ATP2B2: variants seen among roughly 807,000 people sequenced by gnomAD.
ATP2B2 encodes the protein ATPase plasma membrane Ca2+ transporting 2, also known as plasma membrane calcium-transporting ATPase 2.
ATP2B2 carries 15 observed loss-of-function variants against 120.0 expected under a neutral mutation model. The ratio of observed to expected loss-of-function variants is 0.12; its 90% CI spans 0.08 to 0.19. The LOEUF is 0.19. Ranked by LOEUF, ATP2B2 falls within the 10% of genes least tolerant of loss-of-function variation. The probability of loss-of-function intolerance (pLI) is 1.00; values close to 1 mark genes in which losing one functional copy is unlikely to be tolerated. For synonymous variants in ATP2B2, 694 were observed against 700.3 expected (o/e 0.99, Z 0.14); for missense variants, 1,045 against 1,719.8 (o/e 0.61, Z 6.94).
chr3:10,350,612 C>T (rs898720387), intron 14 of ATP2B2, 35 bp from the exon 15 acceptor site: 1 of 1,600,012 alleles, frequency 6.2e-7, no homozygotes, highest in Non-Finnish European at 8.5e-7. Context: ...GGGGAGGGCA[C>T]CACCTCAGGC....
chr3:10,449,651 T>C lies in ATP2B2; in HGVS notation c.-108A>G. 7.0e-7 allele frequency: 1 copy of C among 1,435,084 alleles called. No homozygotes were observed. Among genetic ancestry groups the C allele is most frequent in the Non-Finnish European group, 9.7e-7 (1 of 1,025,810 alleles). 88.9% of individuals were successfully genotyped at this position (1,435,084 alleles called of 1,614,324 possible). On this transcript the variant is annotated 5_prime_UTR_variant, in exon 2 of 23. Transcript: ENST00000360273. Reference sequence around the variant, plus strand: ...CCTCAGCACACCCTCACTGGTCAGCTGTGGCACCAGGCGGCCGACTCCGGG... The same window carrying C: ...CCTCAGCACACCCTCACTGGTCAGCCGTGGCACCAGGCGGCCGACTCCGGG...
At chr3:10,348,702 A>G (rs1163536479) in intron 16 of ATP2B2, among the ~76,000 whole-genome samples, 1 of 152,202 alleles carries the variant, frequency 6.6e-6, no homozygotes, top group Non-Finnish European at 1.5e-5. Flanking sequence ...CCCTAGTCCA[A>G]GTTAGAGGCA....
chr3:10,568,971 C>T (rs11922709), intron 2 of ATP2B2, among the ~76,000 whole-genome samples: 14,178 of 152,266 alleles, frequency 0.093, 733 homozygotes, highest in African/African-American at 0.12. Context: ...CAACAACTTG[C>T]CGAATATAAC....
intron 1 of ATP2B2, among the ~76,000 whole-genome samples, chr3:10,630,209 T>A (rs1228224756): frequency 6.6e-6 from 1 of 152,230 alleles, no homozygotes; most frequent in African/African-American, 2.4e-5. Context: ...GCATGTTTGT[T>A]ACATAGGTAG....
intron 14 of ATP2B2, among the ~76,000 whole-genome samples, chr3:10,355,734 G>T (rs1054279461): frequency 6.6e-6 from 1 of 152,220 alleles, no homozygotes; most frequent in Non-Finnish European, 1.5e-5. Context: ...GGCATGGGGA[G>T]CTCTCATCCT....
intron 1 of ATP2B2, among the ~76,000 whole-genome samples, chr3:10,670,820 G>A (rs899537366): frequency 3.3e-5 from 5 of 152,148 alleles, no homozygotes; most frequent in African/African-American, 1.2e-4. Context: ...GTACATAGGA[G>A]GTGCAGCCAG....
intron 19 of ATP2B2, among the ~76,000 whole-genome samples, chr3:10,341,853 A>C (rs1041170818): frequency 6.6e-6 from 1 of 152,170 alleles, no homozygotes; most frequent in Non-Finnish European, 1.5e-5. Flanking sequence ...CAACAGTAAA[A>C]TGTGTCCTGA....
chr3:10,674,986 G>T (rs892852924), intron 1 of ATP2B2, among the ~76,000 whole-genome samples: 1 of 152,122 alleles, frequency 6.6e-6, no homozygotes, highest in Admixed American at 6.6e-5. Flanking sequence ...AATTTAGAAC[G>T]GTCCAGGCTT....
chr3:10,633,415 T>C (rs766192551), intron 1 of ATP2B2, among the ~76,000 whole-genome samples: 2 of 152,206 alleles, frequency 1.3e-5, no homozygotes, highest in Non-Finnish European at 2.9e-5. Flanking sequence ...CTTAGAAGTC[T>C]CACCCCACTG....
In ATP2B2 at chr3:10,328,545, C is replaced by CGTATAATGA; in HGVS notation, c.*268_*269insTCATTATAC. ...GGCTGGTCCATGTCTGGGTGGGAGCCAGGAAGGGCTTGTTTTGGGAAAACC... is the reference window on the plus strand; with the variant it reads ...GGCTGGTCCATGTCTGGGTGGGAGCCGTATAATGAAGGAAGGGCTTGTTTTGGGAAAACC... On this transcript the variant is annotated 3_prime_UTR_variant, in exon 23 of 23. Transcript: ENST00000360273. 1 of 472,644 alleles carries CGTATAATGA rather than the reference C, an allele frequency of 2.1e-6. No individual in the cohort carries two copies. The highest frequency in any genetic ancestry group is 3.8e-6 in the Non-Finnish European group (1 of 264,952). 29.3% of individuals were successfully genotyped at this position (472,644 alleles called of 1,614,324 possible).
chr3:10,332,287 G>T (rs2060001820), intron 22 of ATP2B2: 1 of 495,064 alleles, frequency 2.0e-6, no homozygotes, highest in African/African-American at 1.9e-5. Context: ...TATCTGTCTA[G>T]CAAGGTACGG....
Position 10,327,530 on chromosome 3 carries a change from G to A in ATP2B2, c.*1284C>T, listed in dbSNP as rs1430638017. On this transcript the variant is annotated 3_prime_UTR_variant, in exon 23 of 23. Coordinates refer to ENST00000360273, the MANE Select transcript of ATP2B2 (RefSeq NM_001001331.4). ...CATTAATAAGGAAACAAACCTGTAA[G>A]TTACTAAATAAAAAAAAAAATCAAC... is the stretch of plus-strand genomic sequence containing the variant. 6.6e-6 allele frequency: 1 copy of A among 152,278 alleles called. No homozygotes were observed. Among genetic ancestry groups the A allele is most frequent in the Non-Finnish European group, 1.5e-5 (1 of 68,004 alleles). The allele number at this position is 152,278 out of a possible 1,614,324, so 9.4% of individuals were successfully genotyped here.
At chr3:10,404,449 G>T (rs1341684556) in intron 3 of ATP2B2, among the ~76,000 whole-genome samples, 1 of 152,214 alleles carries the variant, frequency 6.6e-6, no homozygotes, top group Non-Finnish European at 1.5e-5. Context: ...CCTTGTTTTG[G>T]TTTTTCTCAT....
At chr3:10,450,771 G>T (rs533103248) in intron 1 of ATP2B2, among the ~76,000 whole-genome samples, 2 of 152,158 alleles carry the variant, frequency 1.3e-5, no homozygotes, top group Non-Finnish European at 2.9e-5. Context: ...CTCCCTGCCC[G>T]CCCGGCCACC....
At chr3:10,481,138 T>C (rs1305980353) in intron 1 of ATP2B2, among the ~76,000 whole-genome samples, 1 of 152,246 alleles carries the variant, frequency 6.6e-6, no homozygotes, top group African/African-American at 2.4e-5. Context: ...TGGAAAGACT[T>C]CATTTGAGCA....
chr3:10,437,549 G>C (rs572641243), intron 2 of ATP2B2, among the ~76,000 whole-genome samples: 1 of 152,172 alleles, frequency 6.6e-6, no homozygotes, highest in Non-Finnish European at 1.5e-5. Flanking sequence ...ACTGAGCATC[G>C]GGCTTGGGGG....
chr3:10,381,404 C>CAAA (rs1303278362), intron 8 of ATP2B2, among the ~76,000 whole-genome samples: 13 of 152,316 alleles, frequency 8.5e-5, no homozygotes, highest in Non-Finnish European at 1.5e-4. Flanking sequence ...TTAGAAGGCT[C>CAAA]AAAGGGGCCT....
At chr3:10,396,284 G>A (rs1208008745) in intron 5 of ATP2B2, among the ~76,000 whole-genome samples, 1 of 152,242 alleles carries the variant, frequency 6.6e-6, no homozygotes, top group African/African-American at 2.4e-5. Context: ...AGCCCTGTGG[G>A]GCAGGCAGTG....
Position 10,606,406 on chromosome 3 carries a change from T to C in ATP2B2, c.-415+13511A>G, listed in dbSNP as rs186145862. ...TCTTAGCAGAGTCCTTGGGCAAAGC[T>C]GTAGTCCGCACCATCTAACCCCAAG... On this transcript the variant is annotated intron_variant, in intron 2 of 21. Coordinates refer to the ATP2B2 transcript ENST00000646379. Among the ~76,000 whole-genome samples the C allele has an allele frequency of 8.7e-4, 133 of 152,270 alleles. 1 individual carries two copies. Among genetic ancestry groups the C allele is most frequent in the African/African-American group, 3.2e-3 (131 of 41,540 alleles).
Sources: allele counts gnomAD v4.1 joint callset (sites outside exome capture counted in the v4.1 genomes callset), GRCh38; gene constraint gnomAD v4.1.1; transcripts MANE v1.5; gene names NCBI Gene and HGNC (gene_info 2026-07-23, HGNC 2026-07-21).